GZMA: variants seen among roughly 807,000 people sequenced by gnomAD.
GZMA encodes the protein granzyme A, also known as CTL tryptase.
Under a neutral mutation model 21.1 loss-of-function variants are expected in GZMA, and 17 were observed. The ratio of observed to expected loss-of-function variants is 0.81; its 90% CI spans 0.55 to 1.21. The LOEUF (loss-of-function observed/expected upper bound fraction) is 1.21. Among genes scored for constraint, GZMA ranks in the 50% most tolerant of loss-of-function variants. GZMA has a pLI of 0.00. For missense variants in GZMA, 306 were observed against 315.9 expected, an observed-to-expected ratio of 0.97 and a Z score of 0.24; for synonymous variants, 90 against 107.8, an observed-to-expected ratio of 0.83 and a Z score of 1.03.
intron 1 of GZMA, among the ~76,000 whole-genome samples, chr5:55,104,864 A>C (rs1042546747): frequency 3.3e-5 from 5 of 152,138 alleles, no homozygotes. Context: ...ATTAAACCCC[A>C]TGGTTTGGTC....
Position 55,104,204 on chromosome 5 carries a change from A to C in GZMA, c.71-1270A>C, listed in dbSNP as rs186736245. 1.8e-3 allele frequency among the ~76,000 whole-genome samples: 277 copies of C among 152,294 alleles called. 2 individuals are homozygous for C. The Middle Eastern group carries it at 0.02, about 11-fold the overall frequency. ...TCTTCAAAGGAAAACAACAAAAGCA[A>C]CCTGCTGTGCTCCTCTTTGTTTCCT... On this transcript the variant is annotated intron_variant, in intron 1 of 4. Transcript: ENST00000274306.
At chr5:55,107,155 GC>G (rs372926395) in intron 2 of GZMA, among the ~76,000 whole-genome samples, 8 of 152,256 alleles carry the variant, frequency 5.3e-5, no homozygotes, top group African/African-American at 1.9e-4. Flanking sequence ...ATGAATGATA[GC>G]CTTAATCCAA....
In GZMA at chr5:55,105,362, A is replaced by G; in HGVS notation, c.71-112A>G. 3.5e-6 allele frequency: 3 copies of G among 850,300 alleles called. No homozygotes were observed. The South Asian group carries it at 5.2e-5, about 15-fold the overall frequency. 52.7% of individuals were successfully genotyped at this position (850,300 alleles called of 1,614,324 possible). A position where few individuals can be genotyped will look rare whatever the true frequency, so the allele number is the denominator to read the frequency against. The stretch of plus-strand genomic sequence containing the variant: ...GAGTAAAAGCAGGGGAAATGCTCTC[A>G]TCCAGACTTCCTCTCTGAGTGCAAA... On this transcript the variant is annotated intron_variant, in intron 1 of 4. Coordinates refer to ENST00000274306, the MANE Select transcript of GZMA (RefSeq NM_006144.4).
In GZMA at chr5:55,105,053, A is replaced by G. The variant is rs578053798; in HGVS notation, c.71-421A>G. Among the ~76,000 whole-genome samples, 12 of 152,332 alleles carry G rather than the reference A, an allele frequency of 7.9e-5. No individual in the cohort carries two copies. The East Asian group carries it at 1.4e-3, about 17-fold the overall frequency. Reference sequence around the variant, plus strand: ...TGCAATGGCTTGGGGTTAAAAGGGAAGTTATGAGGCTTCTAAAAGTCTTAT... The same window carrying G: ...TGCAATGGCTTGGGGTTAAAAGGGAGGTTATGAGGCTTCTAAAAGTCTTAT... On this transcript the variant is annotated intron_variant, in intron 1 of 4. Coordinates refer to ENST00000274306, the MANE Select transcript of GZMA (RefSeq NM_006144.4).
In GZMA at chr5:55,108,339, T is replaced by C; in HGVS notation, c.572T>C (p.Ile191Thr). ...DRNHYNFNPV[I>T]GMNMVCAGSL... ...AATCACTATAATTTTAACCCTGTGA[T>C]TGGAATGAATATGGTTTGTGCTGGA... Residue 191 changes from isoleucine to threonine, a missense_variant, in exon 4 of 5, where the codon ATT becomes ACT. Ile to Thr is a moderately conservative substitution (Grantham distance 89). Coordinates refer to ENST00000274306, the MANE Select transcript of GZMA (RefSeq NM_006144.4). The C allele has an allele frequency of 6.2e-7, 1 of 1,613,470 alleles. No homozygotes were observed. Among genetic ancestry groups the C allele is most frequent in the Non-Finnish European group, 8.5e-7 (1 of 1,179,464 alleles).
chr5:55,108,075 T>C (rs1313425610), intron 3 of GZMA, 50 bp from the exon 4 acceptor site: 1 of 1,457,096 alleles, frequency 6.9e-7, no homozygotes, highest in Non-Finnish European at 9.5e-7. Flanking sequence ...TAATTTAAAA[T>C]GTAAATATTT....
chr5:55,109,631 C>T (rs570212843), intron 4 of GZMA, among the ~76,000 whole-genome samples: 1 of 152,302 alleles, frequency 6.6e-6, no homozygotes, highest in African/African-American at 2.4e-5. Flanking sequence ...CAATTATCTG[C>T]TAGAAGAACC....
intron 1 of GZMA, among the ~76,000 whole-genome samples, chr5:55,104,747 T>C (rs1404180434): frequency 1.3e-5 from 2 of 152,186 alleles, no homozygotes; most frequent in Non-Finnish European, 2.9e-5. Flanking sequence ...TCCTTAACAA[T>C]GGGTCTCTAC....
chr5:55,102,928 G>C (rs1742328015), intron 1 of GZMA, among the ~76,000 whole-genome samples, 176 bp downstream of exon 1: 1 of 152,060 alleles, frequency 6.6e-6, no homozygotes, highest in South Asian at 2.1e-4. Flanking sequence ...TAGGAACGCT[G>C]AGGTGGAAGG....
At chr5:55,109,927 TA>T in intron 4 of GZMA, 93 bp from the exon 5 acceptor site, 1 of 856,616 alleles carries the variant, frequency 1.2e-6, no homozygotes, top group East Asian at 2.9e-5. Context: ...AGGTTGGTCT[TA>T]ACTGCATATT....
Position 55,108,379 on chromosome 5 carries a change from A to T in GZMA, c.612A>T (p.Gly204=). The stretch of plus-strand genomic sequence containing the variant: ...TTTGTGCTGGAAGCCTCCGAGGTGG[A>T]AGAGACTCGTGCAATGTAAGTAAAA... ...NMVCAGSLRG[G]RDSCNGDSGS... The change falls in exon 4 of 5, where the codon GGA becomes GGT. Residue 204 remains glycine (G), a synonymous_variant. Transcript: ENST00000274306. 6.2e-7 allele frequency: 1 copy of T among 1,612,264 alleles called. No individual in the cohort carries two copies. Among genetic ancestry groups the T allele is most frequent in the Admixed American group, 1.7e-5 (1 of 59,990 alleles).
intron 1 of GZMA, among the ~76,000 whole-genome samples, chr5:55,103,679 C>A (rs1742339952): frequency 6.6e-6 from 1 of 152,152 alleles, no homozygotes; most frequent in Non-Finnish European, 1.5e-5. Context: ...TATGTAATAA[C>A]CTGCCTTGCC....
rs2270627 is a variant in GZMA, at chr5:55,108,225, G to A, written c.458G>A (p.Trp153Ter). The A allele has an allele frequency of 1.2e-6, 2 of 1,613,552 alleles. No homozygotes were observed. Among genetic ancestry groups the A allele is most frequent in the African/African-American group, 2.7e-5 (2 of 74,902 alleles). The change falls in exon 4 of 5, where the codon TGG becomes TAG. Residue 153 changes from tryptophan (W) to a stop codon, truncating the protein, a stop_gained. Coordinates refer to ENST00000274306, the MANE Select transcript of GZMA (RefSeq NM_006144.4). LOFTEE classifies it high-confidence loss of function. ...KPGTMCQVAG[W>*]GRTHNSASWS... is the part of the protein sequence containing the mutation. ...GGAACCATGTGCCAAGTTGCAGGGTGGGGCAGGACTCACAATAGTGCATCT... is the reference window on the plus strand; with the variant it reads ...GGAACCATGTGCCAAGTTGCAGGGTAGGGCAGGACTCACAATAGTGCATCT...
At chr5:55,105,427 T>C in intron 1 of GZMA, 47 bp from the exon 2 acceptor site, 1 of 1,558,398 alleles carries the variant, frequency 6.4e-7, no homozygotes, top group South Asian at 1.1e-5. Flanking sequence ...TGTGTAGAGC[T>C]CTTTGGGGGT....
At chr5:55,108,613 C>A (rs1294274929) in intron 4 of GZMA, among the ~76,000 whole-genome samples, 2 of 152,108 alleles carry the variant, frequency 1.3e-5, no homozygotes, top group African/African-American at 4.8e-5. Flanking sequence ...CATGGGGTGA[C>A]CTACTACATA....
intron 3 of GZMA, 74 bp downstream of exon 3, chr5:55,108,009 C>T: frequency 7.0e-7 from 1 of 1,436,792 alleles, no homozygotes; most frequent in Non-Finnish European, 9.7e-7. Flanking sequence ...AAAACCTTTC[C>T]TTGGTGCCCC....
chr5:55,105,668 G>A (rs1742375054), intron 2 of GZMA, 50 bp downstream of exon 2: 1 of 1,511,236 alleles, frequency 6.6e-7, no homozygotes. Flanking sequence ...CTCTAATTTG[G>A]GGAAACATTA....
In GZMA at chr5:55,108,252, G is replaced by A. The variant is rs769525448; in HGVS notation, c.485G>A (p.Trp162Ter). The stretch of plus-strand genomic sequence containing the variant: ...GGCAGGACTCACAATAGTGCATCTT[G>A]GTCCGATACTCTGAGAGAAGTCAAT... ...GWGRTHNSAS[W>*]SDTLREVNIT... is the part of the protein sequence containing the mutation. The change falls in exon 4 of 5, where the codon TGG becomes TAG. Residue 162 changes from tryptophan (W) to a stop codon, truncating the protein, a stop_gained. Transcript: ENST00000274306. LOFTEE classifies it high-confidence loss of function. The A allele has an allele frequency of 1.2e-6, 2 of 1,613,924 alleles. No homozygotes were observed. The highest frequency in any genetic ancestry group is 1.7e-6 in the Non-Finnish European group (2 of 1,179,916).
At position 55,108,171 on chromosome 5, in the gene GZMA, T is replaced by C; in HGVS notation, c.404T>C (p.Leu135Pro). ...KINKYVTILH[L>P]PKKGDDVKPG... ...AACAAATATGTGACTATCCTTCATC[T>C]ACCTAAAAAGGGGGACGATGTGAAA... Residue 135 changes from leucine (L) to proline (P), a missense_variant, in exon 4 of 5, where the codon CTA becomes CCA. Transcript: ENST00000274306. The C allele has an allele frequency of 6.2e-7, 1 of 1,610,240 alleles. No individual in the cohort carries two copies. The highest frequency in any genetic ancestry group is 8.5e-7 in the Non-Finnish European group (1 of 1,176,518).
Sources: gnomAD v4.1 joint callset for allele counts (sites outside exome capture counted in the v4.1 genomes callset) on GRCh38, gnomAD v4.1.1 for gene constraint, MANE v1.5 for transcripts, NCBI Gene and HGNC (gene_info 2026-07-23, HGNC 2026-07-21) for gene names.